Variants in TLN2 observed in about 807,000 individuals in gnomAD.
TLN2 encodes the protein talin 2.
Under a neutral mutation model 294.7 loss-of-function variants are expected in TLN2, and 118 were observed. That is an observed-to-expected ratio of 0.40 (90% CI 0.34 to 0.47). The LOEUF (loss-of-function observed/expected upper bound fraction) is 0.47, where lower values mean the gene tolerates loss of function less well. Ranked by LOEUF, TLN2 falls within the 20% of genes least tolerant of loss-of-function variation. The probability of loss-of-function intolerance (pLI) is 0.84; values close to 1 mark genes in which losing one functional copy is unlikely to be tolerated. For synonymous variants in TLN2, 1,431 were observed against 1,304.5 expected (o/e 1.10, Z -2.09); for missense variants, 3,083 against 3,282.2 (o/e 0.94, Z 1.48).
intron 58 of TLN2, among the ~76,000 whole-genome samples, chr15:62,839,659 A>C (rs796711906): frequency 2.0e-5 from 3 of 152,234 alleles, no homozygotes; most frequent in African/African-American, 7.2e-5. Flanking sequence ...GGACTGTTTT[A>C]TTTATCCGCA....
chr15:62,404,567 T>G (rs1381629713), intron 1 of TLN2, among the ~76,000 whole-genome samples: 2 of 152,214 alleles, frequency 1.3e-5, no homozygotes, highest in African/African-American at 2.4e-5. Flanking sequence ...GTGTTTAAAT[T>G]AAATCTCCTC....
At position 62,615,439 on chromosome 15, in the gene TLN2, C is replaced by T. The variant is rs187925176; in HGVS notation, c.-161-2912C>T. On this transcript the variant is annotated intron_variant, in intron 2 of 58. Coordinates refer to ENST00000636159, the MANE Select transcript of TLN2 (RefSeq NM_015059.3). ...CATGTAATGGTGGGTGCAGCCCACCCACTCAGGAGTGACTTTTAATTTGGC... is the reference window on the plus strand; with the variant it reads ...CATGTAATGGTGGGTGCAGCCCACCTACTCAGGAGTGACTTTTAATTTGGC... Among the ~76,000 whole-genome samples the T allele has an allele frequency of 2.7e-3, 416 of 152,314 alleles. 1 individual carries two copies. Among genetic ancestry groups the T allele is most frequent in the Non-Finnish European group, 4.5e-3 (309 of 68,034 alleles).
intron 11 of TLN2, among the ~76,000 whole-genome samples, chr15:62,679,923 G>C (rs2056652169): frequency 6.6e-6 from 1 of 152,124 alleles, no homozygotes; most frequent in Non-Finnish European, 1.5e-5. Flanking sequence ...AGCACCATTT[G>C]TTGAAAGTGC....
At chr15:62,461,704 C>T (rs746751559) in intron 1 of TLN2, among the ~76,000 whole-genome samples, 7 of 152,080 alleles carry the variant, frequency 4.6e-5, no homozygotes, top group Non-Finnish European at 8.8e-5. Flanking sequence ...TCTAAAGAGT[C>T]GACATTTCAG....
chr15:62,815,267 T>G (rs2067026745), intron 52 of TLN2, among the ~76,000 whole-genome samples: 1 of 151,516 alleles, frequency 6.6e-6, no homozygotes, highest in African/African-American at 2.4e-5. Context: ...TTCTTTGGTC[T>G]CTGCAGAAAG....
At chr15:62,760,024 C>T (rs2062564480) in intron 37 of TLN2, among the ~76,000 whole-genome samples, 1 of 152,204 alleles carries the variant, frequency 6.6e-6, no homozygotes, top group Admixed American at 6.5e-5. Flanking sequence ...CCAGTGCCGG[C>T]AGCATAAATC....
rs189011454 is a variant in TLN2 at position 62,633,293 on chromosome 15, T to G, written c.-36-13982T>G. 1.2e-3 allele frequency among the ~76,000 whole-genome samples: 190 copies of G among 152,264 alleles called. 2 individuals carry two copies. Among genetic ancestry groups the G allele is most frequent in the African/African-American group, 4.4e-3 (181 of 41,546 alleles). On this transcript the variant is annotated intron_variant, in intron 3 of 58. Coordinates refer to ENST00000636159, the MANE Select transcript of TLN2 (RefSeq NM_015059.3). ...CCTACACCAGCACCTGCATCTATGC[T>G]TATATTTGTTTATTTGTTTTGGAGA...
chr15:62,693,124 A>G (rs2058055632), intron 13 of TLN2, among the ~76,000 whole-genome samples, 183 bp downstream of exon 13: 1 of 152,136 alleles, frequency 6.6e-6, no homozygotes, highest in Non-Finnish European at 1.5e-5. Flanking sequence ...GAGGTCAGGT[A>G]TTAGAGACCA....
In TLN2 at chr15:62,699,254, C is replaced by T. The variant is rs117179426; in HGVS notation, c.1587+387C>T. ...CTGTAGAGTTCTTAGCACAGCCCCTCGCACATAGTAAGAGCTCAGTAAGCA... is the reference window on the plus strand; with the variant it reads ...CTGTAGAGTTCTTAGCACAGCCCCTTGCACATAGTAAGAGCTCAGTAAGCA... On this transcript the variant is annotated intron_variant, in intron 16 of 58. Transcript: ENST00000636159. Among the ~76,000 whole-genome samples the T allele has an allele frequency of 6.3e-3, 954 of 152,276 alleles. 2 individuals are homozygous for T. Among genetic ancestry groups the T allele is most frequent in the Non-Finnish European group, 8.6e-3 (584 of 68,028 alleles).
intron 1 of TLN2, among the ~76,000 whole-genome samples, chr15:62,408,993 G>T (rs985341807): frequency 1.3e-5 from 2 of 150,120 alleles, no homozygotes; most frequent in Non-Finnish European, 3.0e-5. Context: ...TTATTTTTTG[G>T]GGGGTACAGG....
intron 7 of TLN2, among the ~76,000 whole-genome samples, chr15:62,654,747 T>A (rs2053000684): frequency 1.0e-5 from 1 of 100,296 alleles, no homozygotes; most frequent in Non-Finnish European, 1.8e-5. Context: ...AGAGCGTGAC[T>A]CTGCCTCAAA....
chr15:62,668,613 C>T (rs549486926), intron 9 of TLN2, among the ~76,000 whole-genome samples: 62 of 152,290 alleles, frequency 4.1e-4, no homozygotes, highest in African/African-American at 1.4e-3. Flanking sequence ...GGTCAGGGTG[C>T]GTAGTGGCCC....
intron 42 of TLN2, 62 bp downstream of exon 42, chr15:62,771,196 T>G: frequency 2.0e-6 from 3 of 1,479,006 alleles, no homozygotes; most frequent in Non-Finnish European, 2.7e-6. Flanking sequence ...GCATTCCTGC[T>G]GTAATGTGTC....
rs143947451 is a variant in TLN2 at position 62,739,481 on chromosome 15, G to A, written c.3821G>A (p.Gly1274Glu). The A allele has an allele frequency of 1.9e-6, 3 of 1,614,096 alleles. No individual in the cohort carries two copies. The highest frequency in any genetic ancestry group is 2.5e-6 in the Non-Finnish European group (3 of 1,180,050). The change falls in exon 31 of 59, where the codon GGA becomes GAA. Residue 1274 changes from glycine to glutamate, a missense_variant. Gly to Glu is a moderately conservative substitution (Grantham distance 98, BLOSUM62 -2). Transcript: ENST00000636159. ...GQSGELAAASGKFSDDFDEFL... is the reference protein window; with the variant it reads ...GQSGELAAASEKFSDDFDEFL... Reference sequence around the variant, plus strand: ...AGTGGAGAGTTGGCTGCAGCCTCTGGAAAGTTCAGTGATGATTTTGATGAA... The same window carrying A: ...AGTGGAGAGTTGGCTGCAGCCTCTGAAAAGTTCAGTGATGATTTTGATGAA...
chr15:62,719,805 G>C lies in TLN2; in HGVS notation c.2916G>C (p.Val972=), dbSNP rs1157230359. Residue 972 remains valine, a synonymous_variant, in exon 25 of 59, where the codon GTG becomes GTC. Coordinates refer to ENST00000636159, the MANE Select transcript of TLN2 (RefSeq NM_015059.3). ...ADHIPQLVQG[V]RGSQAQAEDL... is the part of the protein sequence containing the mutation. The stretch of plus-strand genomic sequence containing the variant: ...ACATCCCTCAGCTGGTCCAGGGAGT[G>C]AGGGGGAGCCAAGCTCAAGCTGAAG... 1 of 1,612,104 alleles carries C rather than the reference G, an allele frequency of 6.2e-7. No homozygotes were observed.
chr15:62,458,302 C>T (rs767234789), intron 1 of TLN2, among the ~76,000 whole-genome samples: 24 of 152,154 alleles, frequency 1.6e-4, no homozygotes, highest in Non-Finnish European at 2.6e-4. Context: ...TGCTGCCCGC[C>T]GCCTCTCCCT....
intron 41 of TLN2, 75 bp downstream of exon 41, chr15:62,766,497 T>G: frequency 7.2e-7 from 1 of 1,397,618 alleles, no homozygotes; most frequent in Non-Finnish European, 9.9e-7. Context: ...ACTTTACTGT[T>G]ATCATTCCCA....
chr15:62,568,362 T>C (rs1279162551), intron 1 of TLN2, among the ~76,000 whole-genome samples: 4 of 152,246 alleles, frequency 2.6e-5, no homozygotes, highest in Admixed American at 2.0e-4. Context: ...ATTCTGTCTA[T>C]GCTTCATTTT....
chr15:62,792,558 A>T (rs1299299848), intron 45 of TLN2, 83 bp from the exon 46 acceptor site: 7 of 1,541,442 alleles, frequency 4.5e-6, no homozygotes, highest in African/African-American at 2.7e-5. Flanking sequence ...CATAGGACAT[A>T]GGAGAAATTT....
Sources: gnomAD v4.1 joint callset for allele counts (sites outside exome capture counted in the v4.1 genomes callset) on GRCh38, gnomAD v4.1.1 for gene constraint, MANE v1.5 for transcripts, NCBI Gene and HGNC (gene_info 2026-07-23, HGNC 2026-07-21) for gene names.